Variants in AKAP12 observed in about 807,000 individuals in gnomAD.
The protein encoded by AKAP12 is A-kinase anchor protein 12.
A neutral mutation model predicts 79.9 loss-of-function variants in AKAP12; 32 were observed. That is an observed-to-expected ratio of 0.40 (90% CI 0.30 to 0.54). The LOEUF is 0.54. Among genes scored for constraint, AKAP12 ranks in the 20% least tolerant of loss-of-function variants. AKAP12 has a pLI of 0.48. For synonymous variants in AKAP12, 808 were observed against 857.0 expected, an observed-to-expected ratio of 0.94 and a Z score of 1.00; for missense variants, 2,074 against 2,177.0, an observed-to-expected ratio of 0.95 and a Z score of 0.94.
chr6:151,321,592 A>G (rs1244198157), intron 3 of AKAP12, among the ~76,000 whole-genome samples: 1 of 152,130 alleles, frequency 6.6e-6, no homozygotes, highest in African/African-American at 2.4e-5. Context: ...ATGAGCTGAT[A>G]GATATTTAGG....
intron 2 of AKAP12, 111 bp downstream of exon 2, chr6:151,240,835 C>A: frequency 1.0e-6 from 1 of 978,062 alleles, no homozygotes; most frequent in Non-Finnish European, 1.3e-6. Flanking sequence ...GCCCATCCAG[C>A]CGCATCTGCA....
chr6:151,320,992 C>CTTTT (rs549558966), intron 3 of AKAP12, among the ~76,000 whole-genome samples: 1 of 145,810 alleles, frequency 6.9e-6, no homozygotes, highest in African/African-American at 2.5e-5. Flanking sequence ...TTCTTTCTTT[C>CTTTT]TTTTTTTTTT....
chr6:151,354,651 T>C (rs189008369), intron 4 of AKAP12, among the ~76,000 whole-genome samples: 1,731 of 151,640 alleles, frequency 0.011, 17 homozygotes, highest in Non-Finnish European at 0.019. Context: ...GGATTACAGG[T>C]GTGAGCCACC....
At chr6:151,322,586 A>G (rs919484858) in intron 3 of AKAP12, among the ~76,000 whole-genome samples, 18 of 152,244 alleles carry the variant, frequency 1.2e-4, no homozygotes, top group Admixed American at 9.2e-4. Flanking sequence ...GTCTGTCCCT[A>G]TGGACCGCCT....
At chr6:151,305,651 T>G (rs1230278592) in intron 2 of AKAP12, 96 bp from the exon 3 acceptor site, 5 of 1,241,102 alleles carry the variant, frequency 4.0e-6, no homozygotes, top group Non-Finnish European at 5.6e-6. Flanking sequence ...TCTGTATTTC[T>G]TCTTTCACTG....
intron 3 of AKAP12, among the ~76,000 whole-genome samples, chr6:151,341,124 T>G (rs1777935021): frequency 6.6e-6 from 1 of 151,434 alleles, no homozygotes; most frequent in Non-Finnish European, 1.5e-5. Context: ...CGATCTCGGC[T>G]CACTGCAACC....
At chr6:151,250,759 C>A (rs1797158890) in intron 2 of AKAP12, among the ~76,000 whole-genome samples, 2 of 151,792 alleles carry the variant, frequency 1.3e-5, no homozygotes, top group African/African-American at 4.8e-5. Flanking sequence ...GCGCCCGCCA[C>A]CACGCCCGGC....
At position 151,351,813 on chromosome 6, in the gene AKAP12, C is replaced by A. The variant is rs748526198; in HGVS notation, c.3422C>A (p.Ala1141Asp). Reference protein sequence around the residue: ...ESSELVTTCQAETLAGVKSQE... With the variant: ...ESSELVTTCQDETLAGVKSQE... ...AGTGAGCTTGTAACCACTTGTCAAGCCGAAACCTTAGCTGGGGTAAAATCA... is the reference window on the plus strand; with the variant it reads ...AGTGAGCTTGTAACCACTTGTCAAGACGAAACCTTAGCTGGGGTAAAATCA... The change falls in exon 4 of 5, where the codon GCC becomes GAC. Residue 1141 changes from alanine to aspartate, a missense_variant. Physicochemically the swap from Ala to Asp is moderately radical, Grantham distance 126. This residue lies in a region of AKAP12 where 1,428 missense variants were observed against 1,451.0 expected (regional missense o/e 0.98). Coordinates refer to ENST00000402676, the MANE Select transcript of AKAP12 (RefSeq NM_005100.4). The surrounding 1 kb of genome is among the most constrained non-coding windows in gnomAD (Gnocchi z 4.4). 2.4e-5 allele frequency: 39 copies of A among 1,614,016 alleles called. 1 individual carries two copies. The highest frequency in any genetic ancestry group is 2.4e-4 in the South Asian group (22 of 91,070).
chr6:151,271,350 C>A (rs1309545435), intron 2 of AKAP12, among the ~76,000 whole-genome samples: 1 of 139,764 alleles, frequency 7.2e-6, no homozygotes, highest in African/African-American at 2.7e-5. Flanking sequence ...TTGAGAGGTT[C>A]TCATTCTGTC....
intron 3 of AKAP12, among the ~76,000 whole-genome samples, chr6:151,342,629 A>AGACTGCAGACTAGTT (rs1385521615): frequency 2.0e-5 from 3 of 152,230 alleles, no homozygotes; most frequent in Non-Finnish European, 4.4e-5. Flanking sequence ...ATGTTAAAAG[A>AGACTGCAGACTAGTT]GACTGCAGAC....
intron 3 of AKAP12, among the ~76,000 whole-genome samples, chr6:151,326,636 G>C (rs960764208): frequency 7.2e-5 from 11 of 152,022 alleles, no homozygotes; most frequent in African/African-American, 2.7e-4. Context: ...TGCTCTTACA[G>C]CTCCTCTAAC....
intron 2 of AKAP12, among the ~76,000 whole-genome samples, chr6:151,269,671 C>T (rs1455216330): frequency 2.0e-5 from 3 of 152,164 alleles, no homozygotes; most frequent in Non-Finnish European, 2.9e-5. Flanking sequence ...AGATATTTTC[C>T]TAGTCTCAAT....
intron 2 of AKAP12, among the ~76,000 whole-genome samples, chr6:151,261,633 G>A (rs893360375): frequency 1.9e-4 from 29 of 151,484 alleles, no homozygotes; most frequent in African/African-American, 6.3e-4. Flanking sequence ...CCCGGGAGGT[G>A]GAGGTTGCAG....
In AKAP12 at chr6:151,351,376, T is replaced by C. The variant is rs1175657181; in HGVS notation, c.2985T>C (p.Ala995=). The C allele has an allele frequency of 1.9e-5, 31 of 1,614,214 alleles. No homozygotes were observed. Among genetic ancestry groups the C allele is most frequent in the Non-Finnish European group, 2.6e-5 (31 of 1,180,038 alleles). ...CCGAAGAAGGAACCGAAGCATCTGCTGCTGAAGAGACCACAGAAATGGTGT... is the reference window on the plus strand; with the variant it reads ...CCGAAGAAGGAACCGAAGCATCTGCCGCTGAAGAGACCACAGAAATGGTGT... ...LGAEEGTEAS[A]AEETTEMVSA... is the part of the protein sequence containing the mutation. Residue 995 remains alanine, a synonymous_variant, in exon 4 of 5, where the codon GCT becomes GCC. Transcript: ENST00000402676. The surrounding 1 kb of genome is among the most constrained non-coding windows in gnomAD (Gnocchi z 4.4).
At chr6:151,324,370 C>T (rs920281812) in intron 3 of AKAP12, 17 of 985,270 alleles carry the variant, frequency 1.7e-5, no homozygotes, top group East Asian at 1.1e-4. Flanking sequence ...AGCAAGGAAG[C>T]GGTTTTCACG....
chr6:151,317,123 CA>C (rs1777255378), intron 3 of AKAP12, among the ~76,000 whole-genome samples: 1 of 150,264 alleles, frequency 6.7e-6, no homozygotes, highest in Non-Finnish European at 1.5e-5. Context: ...ACTGGAAATT[CA>C]CATTTGGGAA....
intron 2 of AKAP12, among the ~76,000 whole-genome samples, chr6:151,260,042 G>A (rs1438388384): frequency 6.6e-6 from 1 of 152,030 alleles, no homozygotes; most frequent in Non-Finnish European, 1.5e-5. Context: ...TTAATTACAA[G>A]GTTGAAACTT....
Position 151,352,814 on chromosome 6 carries a change from A to C in AKAP12, c.4423A>C (p.Thr1475Pro), listed in dbSNP as rs1778333442. Residue 1475 changes from threonine (T) to proline (P), a missense_variant, in exon 4 of 5, where the codon ACA (threonine) becomes CCA (proline). Around this residue, in one of 3 missense-constraint regions of AKAP12, gnomAD observed 614 missense variants for 665.6 expected, o/e 0.92. Coordinates refer to ENST00000402676, the MANE Select transcript of AKAP12 (RefSeq NM_005100.4). ...AAHPGEDAVPTGPDCQAKSTP... is the reference protein window; with the variant it reads ...AAHPGEDAVPPGPDCQAKSTP... ...TCATCCAGGGGAAGATGCTGTGCCC[A>C]CAGGGCCCGACTGTCAGGCAAAATC... The C allele has an allele frequency of 6.2e-7, 1 of 1,614,222 alleles. No individual in the cohort carries two copies. The highest frequency in any genetic ancestry group is 8.5e-7 in the Non-Finnish European group (1 of 1,180,044).
intron 2 of AKAP12, among the ~76,000 whole-genome samples, chr6:151,247,781 T>C (rs1333145052): frequency 1.3e-5 from 2 of 152,232 alleles, no homozygotes; most frequent in Non-Finnish European, 2.9e-5. Flanking sequence ...GCAAACAGCC[T>C]GGCTCTGTTA....
Sources: allele counts gnomAD v4.1 joint callset (sites outside exome capture counted in the v4.1 genomes callset), GRCh38; gene constraint gnomAD v4.1.1; regional missense constraint gnomAD v4.1.1; non-coding constraint Gnocchi (gnomAD v3.1); transcripts MANE v1.5; gene names NCBI Gene and HGNC (gene_info 2026-07-23, HGNC 2026-07-21).